SLC2A3: variants seen among roughly 807,000 people sequenced by gnomAD.
SLC2A3 encodes solute carrier family 2 member 3.
A neutral mutation model predicts 46.4 loss-of-function variants in SLC2A3; 21 were observed. The observed-to-expected ratio is 0.45, with a 90% CI of 0.32 to 0.65. The LOEUF is 0.65. Ranked by LOEUF, SLC2A3 falls within the 30% of genes least tolerant of loss-of-function variation. SLC2A3 has a pLI of 0.04. For missense variants in SLC2A3, 499 were observed against 623.3 expected (o/e 0.80, Z 2.12); for synonymous variants, 213 against 239.4 (o/e 0.89, Z 1.02).
chr12:7,923,191 C>A, intron 8 of SLC2A3, 167 bp from the exon 9 acceptor site: 3 of 713,820 alleles, frequency 4.2e-6, no homozygotes, highest in Non-Finnish European at 6.8e-6. Flanking sequence ...TTTTTTGAGA[C>A]AGGGTCTTAC....
Position 7,921,389 on chromosome 12 carries a change from G to C in SLC2A3, c.*24C>G. 6.2e-7 allele frequency: 1 copy of C among 1,613,944 alleles called. No individual in the cohort carries two copies. The highest frequency in any genetic ancestry group is 8.5e-7 in the Non-Finnish European group (1 of 1,179,830). On this transcript the variant is annotated 3_prime_UTR_variant, in exon 10 of 10. Coordinates refer to ENST00000075120, the MANE Select transcript of SLC2A3 (RefSeq NM_006931.3). Reference sequence around the variant, plus strand: ...GGGAGAGGTGGCTTTCCCATGCCGGGAGGGAGGTGGAAGGAGGCACGACTT... The same window carrying C: ...GGGAGAGGTGGCTTTCCCATGCCGGCAGGGAGGTGGAAGGAGGCACGACTT...
rs1436129142 is a variant in SLC2A3 at position 7,921,262 on chromosome 12, C to A, written c.*151G>T. 2.0e-6 allele frequency: 3 copies of A among 1,478,040 alleles called. No individual in the cohort carries two copies. The highest frequency in any genetic ancestry group is 1.4e-5 in the African/African-American group (1 of 71,292). 91.6% of individuals were successfully genotyped at this position (1,478,040 alleles called of 1,614,324 possible). A position where few individuals can be genotyped will look rare whatever the true frequency, so the allele number is the denominator to read the frequency against. Reference sequence around the variant, plus strand: ...AAGCCATTGAAGATCCAACAAACCGCAGCCTTGGGGTGCTCATGGAGTGCG... The same window carrying A: ...AAGCCATTGAAGATCCAACAAACCGAAGCCTTGGGGTGCTCATGGAGTGCG... On this transcript the variant is annotated 3_prime_UTR_variant, in exon 10 of 10. Coordinates refer to ENST00000075120, the MANE Select transcript of SLC2A3 (RefSeq NM_006931.3).
chr12:7,925,647 CT>C, intron 7 of SLC2A3, 196 bp downstream of exon 7: 1 of 554,364 alleles, frequency 1.8e-6, no homozygotes, highest in Non-Finnish European at 3.2e-6. Context: ...CCCTTCTATA[CT>C]CCCTCCTTTC....
At position 7,931,488 on chromosome 12, in the gene SLC2A3, G is replaced by A; in HGVS notation, c.270-3C>T. On this transcript the variant is annotated splice_polypyrimidine_tract_variant and splice_region_variant and intron_variant, in intron 3 of 9. Coordinates refer to ENST00000075120, the MANE Select transcript of SLC2A3 (RefSeq NM_006931.3). ...TGACAATCAGCATTGAATTGCGCCT[G>A]TAAGGTTAATCAAAGACAAAGTAGA... 1 of 1,614,114 alleles carries A rather than the reference G, an allele frequency of 6.2e-7. No individual in the cohort carries two copies. Among genetic ancestry groups the A allele is most frequent in the Admixed American group, 1.7e-5 (1 of 60,022 alleles).
intron 6 of SLC2A3, among the ~76,000 whole-genome samples, chr12:7,927,497 T>G (rs1373892818): frequency 1.3e-5 from 2 of 152,170 alleles, no homozygotes; most frequent in African/African-American, 4.8e-5. Context: ...AATAGTTTAC[T>G]CTGCTAGGTA....
chr12:7,933,214 T>G, intron 2 of SLC2A3, 67 bp from the exon 3 acceptor site: 1 of 1,525,070 alleles, frequency 6.6e-7, no homozygotes. Context: ...AGACAAACAT[T>G]AGGGATCATT....
chr12:7,927,449 T>C (rs934519674), intron 6 of SLC2A3, among the ~76,000 whole-genome samples: 1 of 152,140 alleles, frequency 6.6e-6, no homozygotes, highest in Non-Finnish European at 1.5e-5. Flanking sequence ...TGCTATCTAG[T>C]GTCACCAAGC....
intron 2 of SLC2A3, 156 bp from the exon 3 acceptor site, chr12:7,933,303 G>A (rs143811589): frequency 1.7e-5 from 14 of 847,708 alleles, no homozygotes; most frequent in Admixed American, 5.7e-5. Context: ...GTTAACTCTC[G>A]CTGGAATAGT....
At chr12:7,934,461 C>G (rs1158484886) in intron 1 of SLC2A3, among the ~76,000 whole-genome samples, 1 of 151,754 alleles carries the variant, frequency 6.6e-6, no homozygotes, top group Admixed American at 6.6e-5. Context: ...TTTCAGTCTT[C>G]GTTTATTAAA....
chr12:7,927,954 G>A (rs1207347138), intron 6 of SLC2A3, among the ~76,000 whole-genome samples: 3 of 151,954 alleles, frequency 2.0e-5, no homozygotes, highest in Non-Finnish European at 4.4e-5. Flanking sequence ...GCAAGGTATG[G>A]TGGTGGGCAC....
chr12:7,933,365 T>A, intron 2 of SLC2A3: 1 of 642,668 alleles, frequency 1.6e-6, no homozygotes, highest in Non-Finnish European at 2.6e-6. Context: ...ATGTTCACAG[T>A]CTACCCCAGC....
rs947458564 is a variant in SLC2A3, at chr12:7,935,233, C to T, written c.15+787G>A. Among the ~76,000 whole-genome samples, 6 of 152,122 alleles carry T rather than the reference C, an allele frequency of 3.9e-5. 1 individual carries two copies. The highest frequency in any genetic ancestry group is 4.1e-4 in the South Asian group (2 of 4,830). ...CCTTGGGAGGCCGAGGCCGGCGGAT[C>T]GCCTGAGGTCGGGAGTCGAGACCAG... On this transcript the variant is annotated intron_variant, in intron 1 of 9. Transcript: ENST00000075120.
At chr12:7,931,546 C>T in intron 3 of SLC2A3, 61 bp from the exon 4 acceptor site, 1 of 1,603,724 alleles carries the variant, frequency 6.2e-7, no homozygotes, top group Non-Finnish European at 8.5e-7. Flanking sequence ...AACTTCTCCT[C>T]TGTCCTCATT....
At chr12:7,926,199 C>G (rs1565603170) in intron 6 of SLC2A3, among the ~76,000 whole-genome samples, 1 of 152,140 alleles carries the variant, frequency 6.6e-6, no homozygotes, top group African/African-American at 2.4e-5. Flanking sequence ...TCAAGCGATT[C>G]TCCTGCCTCA....
At chr12:7,935,354 A>C (rs1302555611) in intron 1 of SLC2A3, among the ~76,000 whole-genome samples, 2 of 152,120 alleles carry the variant, frequency 1.3e-5, no homozygotes, top group East Asian at 1.9e-4. Context: ...CAGGAGGCTG[A>C]GGCAGGAGAA....
intron 8 of SLC2A3, among the ~76,000 whole-genome samples, chr12:7,924,128 C>T (rs1201069481): frequency 6.6e-6 from 1 of 152,026 alleles, no homozygotes; most frequent in African/African-American, 2.4e-5. Context: ...GTACTGAGAC[C>T]ATGTCATCAT....
Position 7,929,673 on chromosome 12 carries a change from A to G in SLC2A3, c.861+11T>C. On this transcript the variant is annotated intron_variant, in intron 6 of 9. Coordinates refer to ENST00000075120, the MANE Select transcript of SLC2A3 (RefSeq NM_006931.3). ...TTTAAGACACGTTTGACCCTAAAGT[A>G]TCACACTCACAGCATTGATCCCAGA... 2 of 1,613,202 alleles carry G rather than the reference A, an allele frequency of 1.2e-6. No homozygotes were observed. Among genetic ancestry groups the G allele is most frequent in the Non-Finnish European group, 8.5e-7 (1 of 1,179,466 alleles).
At chr12:7,933,536 C>A in intron 2 of SLC2A3, 1 of 475,476 alleles carries the variant, frequency 2.1e-6, no homozygotes, top group Non-Finnish European at 3.8e-6. Flanking sequence ...ACTAATTTTC[C>A]CCACCAATAT....
rs1282322960 is a variant in SLC2A3 at position 7,936,074 on chromosome 12, G to T, written c.-40C>A. On this transcript the variant is annotated 5_prime_UTR_variant, in exon 1 of 10. Coordinates refer to ENST00000075120, the MANE Select transcript of SLC2A3 (RefSeq NM_006931.3). ...TCAAGTCTTCAAGAAAGATCTAGGGGTGATTCCAGAAACAGCTTTTTCAGC... is the reference window on the plus strand; with the variant it reads ...TCAAGTCTTCAAGAAAGATCTAGGGTTGATTCCAGAAACAGCTTTTTCAGC... 35 of 1,586,200 alleles carry T rather than the reference G, an allele frequency of 2.2e-5. No individual in the cohort carries two copies. Among genetic ancestry groups the T allele is most frequent in the Non-Finnish European group, 2.9e-5 (33 of 1,154,796 alleles).
Sources: gnomAD v4.1 joint callset for allele counts (sites outside exome capture counted in the v4.1 genomes callset) on GRCh38, gnomAD v4.1.1 for gene constraint, MANE v1.5 for transcripts, NCBI Gene and HGNC (gene_info 2026-07-23, HGNC 2026-07-21) for gene names.